The following IMPG1 variants were observed in gnomAD, a reference collection of about 807,000 sequenced individuals.
IMPG1 encodes the protein interphotoreceptor matrix proteoglycan 1, also known as interphotoreceptor matrix proteoglycan of 150 kDa.
IMPG1 carries 85 observed loss-of-function variants against 92.0 expected under a neutral mutation model. The ratio of observed to expected loss-of-function variants is 0.92; its 90% CI spans 0.78 to 1.11. The LOEUF (loss-of-function observed/expected upper bound fraction) is 1.11. IMPG1 is among the 50% of genes least tolerant of loss of function. The pLI is 0.00. For synonymous variants in IMPG1, 367 were observed against 334.1 expected (o/e 1.10, Z -1.08); for missense variants, 1,022 against 956.0 (o/e 1.07, Z -0.91).
At chr6:75,957,955 T>C (rs778026071) in intron 12 of IMPG1, among the ~76,000 whole-genome samples, 11 of 152,204 alleles carry the variant, frequency 7.2e-5, no homozygotes, top group Non-Finnish European at 1.5e-4. Context: ...ATTATGATGT[T>C]AGCTGGTTAT....
intron 12 of IMPG1, among the ~76,000 whole-genome samples, chr6:75,962,064 A>C (rs1471195305): frequency 3.9e-5 from 6 of 152,208 alleles, no homozygotes; most frequent in African/African-American, 1.4e-4. Flanking sequence ...AGACAGGTAC[A>C]TTGAATGCAT....
At chr6:75,925,156 G>A (rs1157743015) in intron 15 of IMPG1, among the ~76,000 whole-genome samples, 2 of 151,626 alleles carry the variant, frequency 1.3e-5, no homozygotes, top group Non-Finnish European at 2.9e-5. Context: ...TGAGATGATG[G>A]GAATGCTAAT....
intron 12 of IMPG1, among the ~76,000 whole-genome samples, chr6:75,965,826 C>A (rs1220528126): frequency 6.6e-6 from 1 of 152,018 alleles, no homozygotes; most frequent in Non-Finnish European, 1.5e-5. Flanking sequence ...CCAGGATGGT[C>A]TCGATCTCCT....
At chr6:75,962,294 AT>A (rs146223042) in intron 12 of IMPG1, among the ~76,000 whole-genome samples, 3,703 of 150,002 alleles carry the variant, frequency 0.025, 160 homozygotes, top group African/African-American at 0.086. Context: ...AATTAAAAAA[AT>A]TTTTTTTTTA....
chr6:75,964,807 A>G (rs1482075578), intron 12 of IMPG1, among the ~76,000 whole-genome samples: 1 of 152,182 alleles, frequency 6.6e-6, no homozygotes, highest in African/African-American at 2.4e-5. Flanking sequence ...TTGATAATCT[A>G]GAGACAATTC....
intron 12 of IMPG1, among the ~76,000 whole-genome samples, chr6:75,975,021 C>T (rs1209896072): frequency 6.6e-6 from 1 of 152,162 alleles, no homozygotes; most frequent in African/African-American, 2.4e-5. Flanking sequence ...GTTATAAAAT[C>T]ACAAGTGAAT....
intron 7 of IMPG1, among the ~76,000 whole-genome samples, chr6:76,017,941 C>T (rs1048784665): frequency 3.3e-5 from 5 of 152,116 alleles, no homozygotes; most frequent in Admixed American, 1.3e-4. Flanking sequence ...TTAGTAGAGA[C>T]GGGATTTTGC....
chr6:75,977,561 T>TG (rs1475894459), intron 12 of IMPG1, among the ~76,000 whole-genome samples: 1 of 146,398 alleles, frequency 6.8e-6, no homozygotes, highest in African/African-American at 2.5e-5. Context: ...CACTCCAGCC[T>TG]GGGCAACAAG....
In IMPG1 at chr6:76,012,068, A is replaced by G. The variant is rs150230467; in HGVS notation, c.808-844T>C. Among the ~76,000 whole-genome samples the G allele has an allele frequency of 3.7e-3, 565 of 152,322 alleles. 4 individuals are homozygous for G. Among genetic ancestry groups the G allele is most frequent in the Middle Eastern group, 0.014 (4 of 294 alleles). ...TCTATAATGTGAAAGGGATGATTAC[A>G]TTCAAAATGGCTGCTGTACTTAAAG... On this transcript the variant is annotated intron_variant, in intron 7 of 16. Transcript: ENST00000369950.
intron 1 of IMPG1, among the ~76,000 whole-genome samples, chr6:76,044,174 G>A (rs1361987270): frequency 1.3e-5 from 2 of 152,120 alleles, no homozygotes; most frequent in Non-Finnish European, 2.9e-5. Flanking sequence ...GATAGGAGCC[G>A]AGCACACAGC....
chr6:76,044,911 G>A (rs576619681), intron 1 of IMPG1, among the ~76,000 whole-genome samples: 139 of 152,196 alleles, frequency 9.1e-4, no homozygotes, highest in African/African-American at 1.5e-3. Context: ...TTATCCTATC[G>A]GGGTAGGTGC....
chr6:76,019,582 T>C (rs866153458), intron 6 of IMPG1, among the ~76,000 whole-genome samples: 15 of 152,188 alleles, frequency 9.9e-5, no homozygotes, highest in African/African-American at 3.4e-4. Context: ...ACCATGGGCA[T>C]GGACAATACT....
intron 1 of IMPG1, among the ~76,000 whole-genome samples, chr6:76,057,750 T>A (rs1287715997): frequency 6.6e-6 from 1 of 152,112 alleles, no homozygotes; most frequent in African/African-American, 2.4e-5. Flanking sequence ...GTTATGTTAA[T>A]GACATTATAA....
At chr6:76,012,740 CTTAA>C (rs1276171784) in intron 7 of IMPG1, among the ~76,000 whole-genome samples, 4 of 152,174 alleles carry the variant, frequency 2.6e-5, no homozygotes, top group Non-Finnish European at 5.9e-5. Context: ...TCTCCCATGG[CTTAA>C]TTGATCAGTG....
At chr6:75,957,762 A>T (rs916054076) in intron 12 of IMPG1, among the ~76,000 whole-genome samples, 2 of 152,142 alleles carry the variant, frequency 1.3e-5, no homozygotes, top group Non-Finnish European at 2.9e-5. Flanking sequence ...TGCTTCATAA[A>T]TATTCCCCTA....
At chr6:76,067,132 T>C (rs1784322748) in intron 1 of IMPG1, among the ~76,000 whole-genome samples, 1 of 151,114 alleles carries the variant, frequency 6.6e-6, no homozygotes. Context: ...ATCAAGGAAC[T>C]AGAAAAACAA....
chr6:75,942,340 A>G (rs142938982), intron 14 of IMPG1, among the ~76,000 whole-genome samples: 15 of 152,306 alleles, frequency 9.8e-5, no homozygotes, highest in Admixed American at 2.6e-4. Flanking sequence ...TACTTGAAAG[A>G]TCAAAACCTG....
At chr6:76,067,697 T>C (rs1784334158) in intron 1 of IMPG1, among the ~76,000 whole-genome samples, 1 of 152,076 alleles carries the variant, frequency 6.6e-6, no homozygotes, top group Admixed American at 6.6e-5. Context: ...ATGAAGCCAG[T>C]GTCACCCTGA....
At chr6:75,982,710 A>T (rs1233273923) in intron 12 of IMPG1, among the ~76,000 whole-genome samples, 1 of 151,994 alleles carries the variant, frequency 6.6e-6, no homozygotes, top group African/African-American at 2.4e-5. Context: ...TTTTCTGAGC[A>T]AATCACCTCT....
Sources: gnomAD v4.1 joint callset for allele counts (sites outside exome capture counted in the v4.1 genomes callset) on GRCh38, gnomAD v4.1.1 for gene constraint, MANE v1.5 for transcripts, NCBI Gene and HGNC (gene_info 2026-07-23, HGNC 2026-07-21) for gene names.